The following TRDN variants were observed in gnomAD, a reference collection of about 807,000 sequenced individuals.
The protein encoded by TRDN is triadin, also known as triadin in skeletal muscle.
A neutral mutation model predicts 149.7 loss-of-function variants in TRDN; 161 were observed. That is an observed-to-expected ratio of 1.08 (90% CI 0.95 to 1.23). The LOEUF is 1.23. Ranked by LOEUF, TRDN falls within the 50% of genes most tolerant of loss-of-function variation. The probability of loss-of-function intolerance (pLI) is 0.00; values close to 1 mark genes in which losing one functional copy is unlikely to be tolerated. For synonymous variants in TRDN, 294 were observed against 250.5 expected, an observed-to-expected ratio of 1.17 and a Z score of -1.64; for missense variants, 896 against 823.5, an observed-to-expected ratio of 1.09 and a Z score of -1.08.
At chr6:123,310,512 C>T (rs1235759014) in intron 24 of TRDN, among the ~76,000 whole-genome samples, 4 of 151,782 alleles carry the variant, frequency 2.6e-5, no homozygotes, top group African/African-American at 9.7e-5. Context: ...TGCAGGATTG[C>T]TATAACAAAG....
At chr6:123,465,263 T>C (rs1395881812) in intron 9 of TRDN, among the ~76,000 whole-genome samples, 1 of 152,130 alleles carries the variant, frequency 6.6e-6, no homozygotes, top group East Asian at 1.9e-4. Context: ...ATGGAAAATG[T>C]ACATGTACTC....
At chr6:123,592,952 AG>A (rs1363314317) in intron 1 of TRDN, among the ~76,000 whole-genome samples, 5 of 152,306 alleles carry the variant, frequency 3.3e-5, no homozygotes, top group Middle Eastern at 3.4e-3. Context: ...TGATAACAAC[AG>A]GGATACACAT....
intron 7 of TRDN, among the ~76,000 whole-genome samples, chr6:123,507,173 T>C (rs1388973515): frequency 6.6e-6 from 1 of 152,102 alleles, no homozygotes; most frequent in African/African-American, 2.4e-5. Flanking sequence ...CAACTTTTTT[T>C]TTTGTTTATA....
intron 4 of TRDN, among the ~76,000 whole-genome samples, chr6:123,540,137 G>A (rs1373783820): frequency 6.6e-6 from 1 of 152,174 alleles, no homozygotes; most frequent in East Asian, 1.9e-4. Flanking sequence ...CCAAGGGCGG[G>A]GGCCCATTTC....
chr6:123,576,300 T>A (rs1365397743), intron 1 of TRDN, among the ~76,000 whole-genome samples: 1 of 152,100 alleles, frequency 6.6e-6, no homozygotes, highest in African/African-American at 2.4e-5. Flanking sequence ...CCAATTCTAG[T>A]GTTTACAAAA....
At chr6:123,259,805 T>A (rs1437457750) in intron 34 of TRDN, 143 bp from the exon 35 acceptor site, 1 of 605,436 alleles carries the variant, frequency 1.7e-6, no homozygotes, top group East Asian at 3.3e-5. Context: ...TTGTTATGCT[T>A]GGTCATTCTG....
intron 38 of TRDN, among the ~76,000 whole-genome samples, chr6:123,247,075 A>G (rs1776208814): frequency 6.6e-6 from 1 of 152,214 alleles, no homozygotes; most frequent in South Asian, 2.1e-4. Flanking sequence ...AAAACACTCA[A>G]TAAACTAGGT....
At chr6:123,454,222 C>A (rs1775968075) in intron 10 of TRDN, among the ~76,000 whole-genome samples, 2 of 152,014 alleles carry the variant, frequency 1.3e-5, no homozygotes, top group Admixed American at 6.6e-5. Context: ...TCACAAATCA[C>A]CACTAAAAAA....
chr6:123,612,131 C>G (rs1333805858), intron 1 of TRDN, among the ~76,000 whole-genome samples: 4 of 150,852 alleles, frequency 2.7e-5, no homozygotes, highest in Admixed American at 1.3e-4. Context: ...TGGCTCACAC[C>G]TGTAATCCCA....
chr6:123,603,701 C>T (rs190250005), intron 1 of TRDN, among the ~76,000 whole-genome samples: 151 of 152,168 alleles, frequency 9.9e-4, no homozygotes, highest in Non-Finnish European at 1.5e-3. Flanking sequence ...TGCTTACTGC[C>T]ATTGTCCATG....
chr6:123,552,033 A>T lies in TRDN; in HGVS notation c.233-3421T>A, dbSNP rs188061677. On this transcript the variant is annotated intron_variant, in intron 2 of 40. Transcript: ENST00000334268. ...GCAAGGATTAAAACTGGAAAAAAAA[A>T]TGAGTCCACGATGACATTGCTAAGG... Among the ~76,000 whole-genome samples, 1,299 of 152,194 alleles carry T rather than the reference A, an allele frequency of 8.5e-3. 9 individuals carry two copies. The highest frequency in any genetic ancestry group is 0.024 in the South Asian group (117 of 4,830).
At chr6:123,315,464 C>T (rs1266700899) in intron 24 of TRDN, among the ~76,000 whole-genome samples, 2 of 151,792 alleles carry the variant, frequency 1.3e-5, no homozygotes, top group Non-Finnish European at 2.9e-5. Context: ...GATGGCAATG[C>T]TCTTAAGAGA....
intron 1 of TRDN, among the ~76,000 whole-genome samples, chr6:123,593,141 G>C (rs1783869782): frequency 6.6e-6 from 1 of 152,102 alleles, no homozygotes; most frequent in Admixed American, 6.6e-5. Context: ...GTTTTCATAA[G>C]AAAACTACAA....
chr6:123,224,027 AAG>A, intron 39 of TRDN, 64 bp downstream of exon 39: 1 of 1,474,268 alleles, frequency 6.8e-7, no homozygotes, highest in Non-Finnish European at 9.2e-7. Context: ...AAAAAAAAAA[AAG>A]ACAGACAAAA....
At chr6:123,518,859 C>G (rs1423925569) in intron 5 of TRDN, among the ~76,000 whole-genome samples, 4 of 152,154 alleles carry the variant, frequency 2.6e-5, no homozygotes, top group Non-Finnish European at 5.9e-5. Context: ...TGGACAGAAA[C>G]TTCAAACTTT....
intron 2 of TRDN, among the ~76,000 whole-genome samples, chr6:123,557,204 T>C (rs766869239): frequency 6.6e-6 from 1 of 152,136 alleles, no homozygotes; most frequent in Non-Finnish European, 1.5e-5. Context: ...ATAAACAGCC[T>C]TGTTGCTCAC....
rs1247576747 is a variant in TRDN at position 123,218,607 on chromosome 6, T to C, written c.2184A>G (p.Gly728=). 6.2e-7 allele frequency: 1 copy of C among 1,611,448 alleles called. No individual in the cohort carries two copies. Among genetic ancestry groups the C allele is most frequent in the East Asian group, 2.2e-5 (1 of 44,810 alleles). Residue 728 remains glycine, a synonymous_variant, in exon 41 of 41, where the codon GGA becomes GGG. Coordinates refer to ENST00000334268, the MANE Select transcript of TRDN (RefSeq NM_006073.4). The part of the protein sequence containing the change: ...QANSPGQKQQ[G]Q ...AAGGGTCATACATGTGTGTTTACTGTCCTTGTTGCTTCTGTCCTGGAGAAT... is the reference window on the plus strand; with the variant it reads ...AAGGGTCATACATGTGTGTTTACTGCCCTTGTTGCTTCTGTCCTGGAGAAT...
intron 24 of TRDN, among the ~76,000 whole-genome samples, chr6:123,313,449 G>C (rs570462069): frequency 1.3e-5 from 2 of 151,990 alleles, no homozygotes; most frequent in African/African-American, 4.8e-5. Context: ...TGAGGTTGCT[G>C]CCCTTTGAAT....
Position 123,377,729 on chromosome 6 carries a change from C to T in TRDN, c.1233G>A (p.Lys411=). Reference sequence around the variant, plus strand: ...GGTCTTACTCACCTGAGTGTTCTTTCTTTGGTGACTTTGCTGTATCAAAAA... The same window carrying T: ...GGTCTTACTCACCTGAGTGTTCTTTTTTTGGTGACTTTGCTGTATCAAAAA... The part of the protein sequence containing the change: ...EKHVEPAKSP[K]KEHSVPSDKQ... The change falls in exon 18 of 41, where the codon AAG becomes AAA. Residue 411 remains lysine (K), a synonymous_variant. Coordinates refer to ENST00000334268, the MANE Select transcript of TRDN (RefSeq NM_006073.4). 1.2e-6 allele frequency: 2 copies of T among 1,612,956 alleles called. No homozygotes were observed. Among genetic ancestry groups the T allele is most frequent in the Non-Finnish European group, 1.7e-6 (2 of 1,179,552 alleles).
Sources: gnomAD v4.1 joint callset for allele counts (sites outside exome capture counted in the v4.1 genomes callset) on GRCh38, gnomAD v4.1.1 for gene constraint, MANE v1.5 for transcripts, NCBI Gene and HGNC (gene_info 2026-07-23, HGNC 2026-07-21) for gene names.